ADAMTSL3: variants seen among roughly 807,000 people sequenced by gnomAD.
The protein encoded by ADAMTSL3 is ADAMTS-like protein 3.
In ADAMTSL3, 128 loss-of-function variants were observed where a neutral mutation model predicts 201.7. The ratio of observed to expected loss-of-function variants is 0.63; its 90% confidence interval spans 0.55 to 0.73. The LOEUF is 0.73. Among genes scored for constraint, ADAMTSL3 ranks in the 30% least tolerant of loss-of-function variants. The probability of loss-of-function intolerance (pLI) is 0.00; values close to 1 mark genes in which losing one functional copy is unlikely to be tolerated. For synonymous variants in ADAMTSL3, 738 were observed against 748.4 expected (o/e 0.99, Z 0.23); for missense variants, 1,990 against 2,119.6 (o/e 0.94, Z 1.20).
At chr15:83,721,954 A>T (rs1219580692) in intron 3 of ADAMTSL3, among the ~76,000 whole-genome samples, 1 of 152,134 alleles carries the variant, frequency 6.6e-6, no homozygotes, top group Non-Finnish European at 1.5e-5. Context: ...GCTGGTCTCG[A>T]ACTCCTGACC....
intron 17 of ADAMTSL3, among the ~76,000 whole-genome samples, chr15:83,925,940 T>C (rs2066237429): frequency 2.0e-5 from 3 of 152,152 alleles, no homozygotes; most frequent in Admixed American, 2.0e-4. Flanking sequence ...CAAAACATAG[T>C]TATATTTCTC....
At chr15:83,793,949 C>G (rs539825289) in intron 4 of ADAMTSL3, among the ~76,000 whole-genome samples, 170 of 152,174 alleles carry the variant, frequency 1.1e-3, no homozygotes, top group African/African-American at 4.0e-3. Flanking sequence ...ATTAAGAACT[C>G]TCAAATATCA....
At chr15:83,772,419 A>G (rs951708646) in intron 3 of ADAMTSL3, among the ~76,000 whole-genome samples, 1 of 152,146 alleles carries the variant, frequency 6.6e-6, no homozygotes, top group Non-Finnish European at 1.5e-5. Context: ...ACCTACATCT[A>G]TGTACTTTTT....
At chr15:84,020,365 A>G (rs1195397643) in intron 25 of ADAMTSL3, among the ~76,000 whole-genome samples, 1 of 152,212 alleles carries the variant, frequency 6.6e-6, no homozygotes, top group African/African-American at 2.4e-5. Context: ...GATGATCTTG[A>G]AAATTAAATG....
rs201286041 is a variant in ADAMTSL3, at chr15:83,821,100, CTA to C, written c.600+1055_600+1056del. ...AAGAAAAAAAAAAATTAAAAAGACACTATGACAGGTTGTGAGACAGGGATGGC... is the reference window on the plus strand; with the variant it reads ...AAGAAAAAAAAAAATTAAAAAGACACTGACAGGTTGTGAGACAGGGATGGC... On this transcript the variant is annotated intron_variant, in intron 6 of 29. Transcript: ENST00000286744. Among the ~76,000 whole-genome samples the C allele has an allele frequency of 7.3e-3, 1,107 of 152,012 alleles. 11 individuals carry two copies. The highest frequency in any genetic ancestry group is 0.025 in the African/African-American group (1,032 of 41,432).
chr15:83,850,435 CATATGTGTATAT>C (rs1018727669), intron 7 of ADAMTSL3, among the ~76,000 whole-genome samples: 41 of 150,598 alleles, frequency 2.7e-4, no homozygotes, highest in African/African-American at 9.8e-4. Context: ...TGTGTATATA[CATATGTGTATAT>C]ATATGTGTAT....
At chr15:83,973,183 T>C (rs1417857270) in intron 20 of ADAMTSL3, among the ~76,000 whole-genome samples, 1 of 152,166 alleles carries the variant, frequency 6.6e-6, no homozygotes, top group Non-Finnish European at 1.5e-5. Context: ...CACCTTGGCA[T>C]GGTAACCCCT....
chr15:83,747,510 GCTGTT>G (rs1331480572), intron 3 of ADAMTSL3, among the ~76,000 whole-genome samples: 1 of 152,134 alleles, frequency 6.6e-6, no homozygotes, highest in African/African-American at 2.4e-5. Flanking sequence ...AGGCTTGGAC[GCTGTT>G]CCTCTCACCA....
intron 19 of ADAMTSL3, among the ~76,000 whole-genome samples, chr15:83,958,105 TAGC>T (rs2066894159): frequency 6.6e-6 from 1 of 152,082 alleles, no homozygotes; most frequent in Non-Finnish European, 1.5e-5. Flanking sequence ...ATGGCAGAAT[TAGC>T]AGCTGGGCAG....
chr15:83,714,994 T>TG (rs1293655853), intron 3 of ADAMTSL3, among the ~76,000 whole-genome samples: 1 of 150,874 alleles, frequency 6.6e-6, no homozygotes, highest in Non-Finnish European at 1.5e-5. Flanking sequence ...TTTGACCTCC[T>TG]GACCCACTGT....
chr15:83,893,370 G>C (rs2065548681), intron 13 of ADAMTSL3, among the ~76,000 whole-genome samples: 1 of 152,166 alleles, frequency 6.6e-6, no homozygotes, highest in African/African-American at 2.4e-5. Context: ...GATGGCTTGA[G>C]CAAAGGCAGT....
At chr15:83,833,542 A>G (rs758285140) in intron 6 of ADAMTSL3, among the ~76,000 whole-genome samples, 163 of 152,348 alleles carry the variant, frequency 1.1e-3, no homozygotes, top group Non-Finnish European at 2.0e-3. Context: ...TCTATAGCAC[A>G]TAGCTAGGAA....
intron 20 of ADAMTSL3, among the ~76,000 whole-genome samples, chr15:83,971,661 C>T (rs1284545525): frequency 2.7e-5 from 4 of 150,582 alleles, no homozygotes; most frequent in Non-Finnish European, 5.9e-5. Context: ...GAAAAGCAGG[C>T]AGCAGAGTGG....
chr15:83,880,545 C>G (rs938191426), intron 9 of ADAMTSL3, among the ~76,000 whole-genome samples: 1 of 152,188 alleles, frequency 6.6e-6, no homozygotes, highest in Non-Finnish European at 1.5e-5. Context: ...TTGCCAAAGT[C>G]TATTTTAATC....
intron 23 of ADAMTSL3, among the ~76,000 whole-genome samples, chr15:83,996,125 A>T (rs1335015831): frequency 6.6e-6 from 1 of 152,232 alleles, no homozygotes; most frequent in Non-Finnish European, 1.5e-5. Context: ...ACATATTTTT[A>T]AAAATCATAA....
At chr15:83,863,956 A>C (rs1035889004) in intron 8 of ADAMTSL3, among the ~76,000 whole-genome samples, 4 of 152,230 alleles carry the variant, frequency 2.6e-5, no homozygotes, top group East Asian at 1.9e-4. Context: ...ACAGAAATAC[A>C]AACTACCATC....
At chr15:83,675,586 C>CT (rs77339448) in intron 2 of ADAMTSL3, among the ~76,000 whole-genome samples, 4,899 of 126,006 alleles carry the variant, frequency 0.039, 193 homozygotes, top group African/African-American at 0.098. Context: ...GTGCTGTTTT[C>CT]TTTTTTTTTT....
chr15:83,664,450 C>A (rs1403973855), intron 2 of ADAMTSL3, among the ~76,000 whole-genome samples: 4 of 152,144 alleles, frequency 2.6e-5, no homozygotes, highest in Admixed American at 2.0e-4. Flanking sequence ...CCTTACCTCT[C>A]ACTGCGCTCT....
chr15:83,739,794 A>G (rs2585065), intron 3 of ADAMTSL3: 145,282 of 574,580 alleles, frequency 0.25, 23,374 homozygotes, highest in Middle Eastern at 0.4. Flanking sequence ...ATGCATGAGT[A>G]CATCTCCATC....
Sources: allele counts gnomAD v4.1 joint callset (sites outside exome capture counted in the v4.1 genomes callset), GRCh38; gene constraint gnomAD v4.1.1; transcripts MANE v1.5; gene names NCBI Gene and HGNC (gene_info 2026-07-23, HGNC 2026-07-21).